Variants in ADA observed in about 807,000 individuals in gnomAD.
ADA encodes adenosine aminohydrolase.
ADA carries 45 observed loss-of-function variants against 49.0 expected under a neutral mutation model. The ratio of observed to expected loss-of-function variants is 0.92; its 90% CI spans 0.72 to 1.18. ADA has a LOEUF of 1.18. ADA is among the 50% of genes most tolerant of loss of function. The pLI is 0.00. For synonymous variants in ADA, 173 were observed against 184.2 expected (o/e 0.94, Z 0.49); for missense variants, 445 against 472.5 (o/e 0.94, Z 0.54).
At chr20:44,624,963 T>C (rs2065368288) in intron 5 of ADA, among the ~76,000 whole-genome samples, 2 of 152,238 alleles carry the variant, frequency 1.3e-5, no homozygotes, top group Admixed American at 1.3e-4. Flanking sequence ...TGCAGGCTGC[T>C]GCGAGGATTA....
chr20:44,638,892 G>A (rs939460327), intron 1 of ADA, among the ~76,000 whole-genome samples: 2 of 152,246 alleles, frequency 1.3e-5, no homozygotes, highest in Non-Finnish European at 2.9e-5. Flanking sequence ...AGGCAGGGGT[G>A]CGGAGGGAGG....
At chr20:44,622,270 G>A (rs911606037) in intron 9 of ADA, among the ~76,000 whole-genome samples, 4 of 152,222 alleles carry the variant, frequency 2.6e-5, no homozygotes, top group East Asian at 3.9e-4. Flanking sequence ...CTTCCTATGC[G>A]ATGCCCAGGG....
intron 5 of ADA, among the ~76,000 whole-genome samples, chr20:44,624,979 A>T (rs2065368443): frequency 6.6e-6 from 1 of 152,226 alleles, no homozygotes; most frequent in African/African-American, 2.4e-5. Flanking sequence ...GATTAGAGGA[A>T]ATGCGTGCAG....
At chr20:44,623,571 C>T (rs1455389278) in intron 6 of ADA, among the ~76,000 whole-genome samples, 1 of 152,132 alleles carries the variant, frequency 6.6e-6, no homozygotes, top group Non-Finnish European at 1.5e-5. Flanking sequence ...CAGTGTTGCC[C>T]AGGTTCACAC....
At chr20:44,632,308 G>T (rs2145330874) in intron 2 of ADA, among the ~76,000 whole-genome samples, 1 of 152,292 alleles carries the variant, frequency 6.6e-6, no homozygotes, top group South Asian at 2.1e-4. Context: ...GGGAGGCAGG[G>T]CCAGGCTGGG....
At chr20:44,629,216 G>A in intron 2 of ADA, 47 bp from the exon 3 acceptor site, 3 of 1,613,446 alleles carry the variant, frequency 1.9e-6, no homozygotes, top group Non-Finnish European at 2.5e-6. Flanking sequence ...GCAGGATCCA[G>A]GCAGGCCTGA....
chr20:44,626,890 G>T (rs1282348858), intron 3 of ADA, among the ~76,000 whole-genome samples: 2 of 152,076 alleles, frequency 1.3e-5, no homozygotes, highest in Non-Finnish European at 2.9e-5. Context: ...AGCAGTTGGG[G>T]CAATCTTTTA....
chr20:44,631,811 T>A (rs186545651), intron 2 of ADA, among the ~76,000 whole-genome samples: 11 of 152,328 alleles, frequency 7.2e-5, no homozygotes, highest in African/African-American at 2.2e-4. Flanking sequence ...GGGCCTGTGA[T>A]GTGCTGGGCA....
intron 3 of ADA, among the ~76,000 whole-genome samples, chr20:44,628,525 C>CAATAAATAAATAAATA (rs3091476): frequency 6.7e-5 from 10 of 149,372 alleles, no homozygotes; most frequent in African/African-American, 2.5e-4. Context: ...GACTCTGTCT[C>CAATAAATAAATAAATA]AATAAATAAA....
At chr20:44,646,034 C>T (rs968983033) in intron 1 of ADA, among the ~76,000 whole-genome samples, 9 of 152,140 alleles carry the variant, frequency 5.9e-5, no homozygotes, top group Admixed American at 1.3e-4. Flanking sequence ...TGCTCCTCTC[C>T]ACCTCCCCAG....
Position 44,626,471 on chromosome 20 carries a change from G to A in ADA, c.347C>T (p.Pro116Leu), listed in dbSNP as rs774510141. 1 of 1,613,982 alleles carries A rather than the reference G, an allele frequency of 6.2e-7. No homozygotes were observed. The highest frequency in any genetic ancestry group is 1.1e-5 in the South Asian group (1 of 91,058). The change falls in exon 4 of 12, where the codon CCC becomes CTC. Residue 116 changes from proline (P) to leucine (L), a missense_variant. Physicochemically the swap from Pro to Leu is moderately conservative, Grantham distance 98 (BLOSUM62 -3). Coordinates refer to ENST00000372874, the MANE Select transcript of ADA (RefSeq NM_000022.4). ...CATCACTCACTCAGCCTGGTTCCAG[G>A]GGATTGGCTCCACTTTGGAGTTGGC... Reference protein sequence around the residue: ...LLANSKVEPIPWNQAEGDLTP... With the variant: ...LLANSKVEPILWNQAEGDLTP...
intron 2 of ADA, among the ~76,000 whole-genome samples, chr20:44,629,477 G>A (rs1226915124): frequency 6.6e-6 from 1 of 152,170 alleles, no homozygotes; most frequent in Non-Finnish European, 1.5e-5. Flanking sequence ...CCATATCCTT[G>A]GTTGACTGAT....
At chr20:44,641,460 G>A (rs1339165704) in intron 1 of ADA, among the ~76,000 whole-genome samples, 13 of 150,528 alleles carry the variant, frequency 8.6e-5, no homozygotes, top group African/African-American at 2.9e-4. Flanking sequence ...CAGCCTTGGA[G>A]GGGGCAGGAC....
At chr20:44,630,166 G>A (rs1303588645) in intron 2 of ADA, among the ~76,000 whole-genome samples, 2 of 151,988 alleles carry the variant, frequency 1.3e-5, no homozygotes, top group African/African-American at 2.4e-5. Context: ...CCAACATGGT[G>A]AAACCCCGTC....
chr20:44,620,813 C>A (rs985203309), intron 10 of ADA: 1 of 675,278 alleles, frequency 1.5e-6, no homozygotes, highest in Non-Finnish European at 2.6e-6. Context: ...GGCACTCAAC[C>A]CAAGCAAAGG....
chr20:44,628,671 T>C (rs1396579849), intron 3 of ADA, among the ~76,000 whole-genome samples: 1 of 152,128 alleles, frequency 6.6e-6, no homozygotes, highest in African/African-American at 2.4e-5. Context: ...AAAAGCCTTT[T>C]GGAGAATCTT....
intron 2 of ADA, among the ~76,000 whole-genome samples, chr20:44,634,896 A>C (rs1242379134): frequency 1.3e-5 from 2 of 152,256 alleles, no homozygotes; most frequent in African/African-American, 4.8e-5. Flanking sequence ...CTGAATTTCA[A>C]GACTGTGACA....
At position 44,620,332 on chromosome 20, in the gene ADA, T is replaced by G; in HGVS notation, c.1045A>C (p.Lys349Gln). Residue 349 changes from lysine (K) to glutamine (Q), a missense_variant, in exon 11 of 12, where the codon AAA becomes CAA. Transcript: ENST00000372874. ...EKRELLDLLY[K>Q]AYGMPPSASA... ...GCTGAAGGTGGCATCCCATAGGCTT[T>G]ATAGAGCAGGTCGAGAAGCTCCCTC... is the stretch of plus-strand genomic sequence containing the variant. 2 of 1,614,170 alleles carry G rather than the reference T, an allele frequency of 1.2e-6. No homozygotes were observed. The highest frequency in any genetic ancestry group is 1.7e-6 in the Non-Finnish European group (2 of 1,180,048).
chr20:44,630,699 C>T (rs1487608656), intron 2 of ADA, among the ~76,000 whole-genome samples: 3 of 152,150 alleles, frequency 2.0e-5, no homozygotes, highest in Non-Finnish European at 4.4e-5. Context: ...TCAGGAGGTC[C>T]AAGCATCCAA....
Sources: allele counts gnomAD v4.1 joint callset (sites outside exome capture counted in the v4.1 genomes callset), GRCh38; gene constraint gnomAD v4.1.1; transcripts MANE v1.5; gene names NCBI Gene and HGNC (gene_info 2026-07-23, HGNC 2026-07-21).